CCDC71L: variants seen among roughly 807,000 people sequenced by gnomAD.
CCDC71L encodes coiled-coil domain containing 71 like, also known as coiled-coil domain-containing protein 71L.
Under a neutral mutation model 10.2 loss-of-function variants are expected in CCDC71L, and 6 were observed. The ratio of observed to expected loss-of-function variants is 0.59; its 90% CI spans 0.32 to 1.16. The LOEUF (loss-of-function observed/expected upper bound fraction) is 1.16, where lower values mean the gene tolerates loss of function less well. Among genes scored for constraint, CCDC71L ranks in the 50% most tolerant of loss-of-function variants. The pLI is 0.05. For synonymous variants in CCDC71L, 204 were observed against 175.5 expected, an observed-to-expected ratio of 1.16 and a Z score of -1.28; for missense variants, 366 against 383.4, an observed-to-expected ratio of 0.95 and a Z score of 0.38.
Position 106,660,781 on chromosome 7 carries a change from T to C in CCDC71L, c.116A>G (p.Lys39Arg). 1 of 1,548,844 alleles carries C rather than the reference T, an allele frequency of 6.5e-7. No homozygotes were observed. Among genetic ancestry groups the C allele is most frequent in the Non-Finnish European group, 8.7e-7 (1 of 1,146,180 alleles). Residue 39 changes from lysine (K) to arginine (R), a missense_variant, in exon 1 of 1, where the codon AAG becomes AGG. Transcript: ENST00000523505. The surrounding 1 kb of genome is among the most constrained non-coding windows in gnomAD (Gnocchi z 7.5). ...DGAGLEAREE[K>R]VVYSRSQLSL... ...CAGTTGCGACCGCGAGTACACCACC[T>C]TCTCCTCCCGCGCCTCCAACCCAGC...
chr7:106,655,638 T>C lies in CCDC71L; in HGVS notation c.*4551A>G, dbSNP rs1038181412. On this transcript the variant is annotated 3_prime_UTR_variant, in exon 1 of 1. Coordinates refer to ENST00000523505, the MANE Select transcript of CCDC71L (RefSeq NM_175884.6). ...AACAGCTTTAAATCTATTACTGTTA[T>C]AAATTCTCAGATAGTTTAAAACACA... Among the ~76,000 whole-genome samples the C allele has an allele frequency of 6.6e-6, 1 of 152,198 alleles. No individual in the cohort carries two copies. The highest frequency in any genetic ancestry group is 1.5e-5 in the Non-Finnish European group (1 of 68,024).
In CCDC71L at chr7:106,660,513, T is replaced by G; in HGVS notation, c.384A>C (p.Ala128=). ...CTCCGCGGCGCCTCCTCCTGGCCGC[T>G]GCGCGCGGAACCGGCCGGCGCGCCT... is the stretch of plus-strand genomic sequence containing the variant. The part of the protein sequence containing the change: ...RGQARRPVPR[A]AARRRRRGAR... The change falls in exon 1 of 1, where the codon GCA becomes GCC. Residue 128 remains alanine (A), a synonymous_variant. Coordinates refer to ENST00000523505, the MANE Select transcript of CCDC71L (RefSeq NM_175884.6). This position sits in a 1 kb window ranked among gnomAD's most constrained non-coding sequence, Gnocchi z 7.5. The G allele has an allele frequency of 4.4e-6, 6 of 1,362,402 alleles. No individual in the cohort carries two copies. The highest frequency in any genetic ancestry group is 5.7e-6 in the Non-Finnish European group (6 of 1,054,200). The allele number at this position is 1,362,402 out of a possible 1,614,324, so 84.4% of individuals were successfully genotyped here. A position where few individuals can be genotyped will look rare whatever the true frequency, so the allele number is the denominator to read the frequency against.
chr7:106,657,165 A>C lies in CCDC71L; in HGVS notation c.*3024T>G, dbSNP rs1271782170. On this transcript the variant is annotated 3_prime_UTR_variant, in exon 1 of 1. Transcript: ENST00000523505. The stretch of plus-strand genomic sequence containing the variant: ...TTAAGTTACACTTGTCAATATTCAA[A>C]CTTGAATAAAATAAACACACATCAC... 1 of 152,234 alleles carries C rather than the reference A, an allele frequency of 6.6e-6. No homozygotes were observed. Among genetic ancestry groups the C allele is most frequent in the Non-Finnish European group, 1.5e-5 (1 of 68,044 alleles). 9.4% of individuals were successfully genotyped at this position (152,234 alleles called of 1,614,324 possible). A position where few individuals can be genotyped will look rare whatever the true frequency, so the allele number is the denominator to read the frequency against.
At position 106,660,353 on chromosome 7, in the gene CCDC71L, T is replaced by G; in HGVS notation, c.544A>C (p.Arg182=). The G allele has an allele frequency of 6.9e-7, 1 of 1,448,638 alleles. No individual in the cohort carries two copies. Among genetic ancestry groups the G allele is most frequent in the Non-Finnish European group, 9.0e-7 (1 of 1,108,120 alleles). 89.7% of individuals were successfully genotyped at this position (1,448,638 alleles called of 1,614,324 possible). Residue 182 remains arginine, a synonymous_variant, in exon 1 of 1, where the codon AGG becomes CGG. Transcript: ENST00000523505. The surrounding 1 kb of genome is among the most constrained non-coding windows in gnomAD (Gnocchi z 7.5). ...FGGRTLEEIW[R]AATPTLTTFP... is the part of the protein sequence containing the mutation. Reference sequence around the variant, plus strand: ...GTGGTCAGCGTCGGGGTGGCCGCCCTCCAGATCTCCTCCAAGGTGCGGCCC... The same window carrying G: ...GTGGTCAGCGTCGGGGTGGCCGCCCGCCAGATCTCCTCCAAGGTGCGGCCC...
At position 106,658,487 on chromosome 7, in the gene CCDC71L, G is replaced by A. The variant is rs183644189; in HGVS notation, c.*1702C>T. The A allele has an allele frequency of 1.1e-4, 16 of 152,218 alleles. No individual in the cohort carries two copies. The highest frequency in any genetic ancestry group is 1.6e-4 in the Non-Finnish European group (11 of 67,998). The allele number at this position is 152,218 out of a possible 1,614,324, so 9.4% of individuals were successfully genotyped here. On this transcript the variant is annotated 3_prime_UTR_variant, in exon 1 of 1. Coordinates refer to ENST00000523505, the MANE Select transcript of CCDC71L (RefSeq NM_175884.6). ...GCTATGCCATTTGAATTCTAGGAAC[G>A]CAAGAGTCAAAATTGTAACTCTCAT...
chr7:106,661,010 C>T lies in CCDC71L; in HGVS notation c.-114G>A. 7.9e-7 allele frequency: 1 copy of T among 1,269,492 alleles called. No homozygotes were observed. Among genetic ancestry groups the T allele is most frequent in the African/African-American group, 1.6e-5 (1 of 63,948 alleles). 78.6% of individuals were successfully genotyped at this position (1,269,492 alleles called of 1,614,324 possible). A position where few individuals can be genotyped will look rare whatever the true frequency, so the allele number is the denominator to read the frequency against. On this transcript the variant is annotated 5_prime_UTR_variant, in exon 1 of 1. Transcript: ENST00000523505. ...TGCTGGCGTCTCTCGCTACTTTTCT[C>T]GCCTCCGCCGCCGCCCCTCCCCCTC...
chr7:106,660,142 C>A lies in CCDC71L; in HGVS notation c.*47G>T. 6.8e-7 allele frequency: 1 copy of A among 1,464,170 alleles called. No homozygotes were observed. Among genetic ancestry groups the A allele is most frequent in the Non-Finnish European group, 8.9e-7 (1 of 1,118,340 alleles). 90.7% of individuals were successfully genotyped at this position (1,464,170 alleles called of 1,614,324 possible). On this transcript the variant is annotated 3_prime_UTR_variant, in exon 1 of 1. Coordinates refer to ENST00000523505, the MANE Select transcript of CCDC71L (RefSeq NM_175884.6). The surrounding 1 kb of genome is among the most constrained non-coding windows in gnomAD (Gnocchi z 7.5). ...CTTGTTCATTCCTCCGGGCGGAAGGCCTGTCCCAAGGTCGGGGCCGGCAGG... is the reference window on the plus strand; with the variant it reads ...CTTGTTCATTCCTCCGGGCGGAAGGACTGTCCCAAGGTCGGGGCCGGCAGG...
chr7:106,658,368 T>C lies in CCDC71L; in HGVS notation c.*1821A>G, dbSNP rs937018651. On this transcript the variant is annotated 3_prime_UTR_variant, in exon 1 of 1. Transcript: ENST00000523505. Reference sequence around the variant, plus strand: ...ATCAAGTTATATATATGTGTGTATATATATATCATATTATTTCTTTTAACA... The same window carrying C: ...ATCAAGTTATATATATGTGTGTATACATATATCATATTATTTCTTTTAACA... 1 of 152,184 alleles carries C rather than the reference T, an allele frequency of 6.6e-6. No homozygotes were observed. The highest frequency in any genetic ancestry group is 1.5e-5 in the Non-Finnish European group (1 of 68,028). The allele number at this position is 152,184 out of a possible 1,614,324, so 9.4% of individuals were successfully genotyped here.
chr7:106,656,153 G>C lies in CCDC71L; in HGVS notation c.*4036C>G, dbSNP rs368444350. Among the ~76,000 whole-genome samples, 1 of 152,116 alleles carries C rather than the reference G, an allele frequency of 6.6e-6. No individual in the cohort carries two copies. Among genetic ancestry groups the C allele is most frequent in the Non-Finnish European group, 1.5e-5 (1 of 68,000 alleles). ...AGTCTCAACACTTGCAAGTCACAAA[G>C]GTATGCATAATAATTCCACCCCAGG... On this transcript the variant is annotated 3_prime_UTR_variant, in exon 1 of 1. Transcript: ENST00000523505.
In CCDC71L at chr7:106,654,796, A is replaced by G. The variant is rs973942276; in HGVS notation, c.*5393T>C. On this transcript the variant is annotated 3_prime_UTR_variant, in exon 1 of 1. Coordinates refer to ENST00000523505, the MANE Select transcript of CCDC71L (RefSeq NM_175884.6). ...AACTGTACGTTTATATGTACTTTTT[A>G]TACATTTGTTTTTGCTTCAATAATT... 6.6e-6 allele frequency among the ~76,000 whole-genome samples: 1 copy of G among 152,082 alleles called. No homozygotes were observed. The highest frequency in any genetic ancestry group is 6.6e-5 in the Admixed American group (1 of 15,254).
rs1380782452 is a variant in CCDC71L, at chr7:106,660,644, T to C, written c.253A>G (p.Lys85Glu). The C allele has an allele frequency of 1.3e-6, 2 of 1,589,740 alleles. No homozygotes were observed. ...AELWSFLCSL[K>E]HQFSPHILRS... ...AGGATGTGCGGGGAGAACTGGTGCT[T>C]GAGGCTGCAGAGGAAGCTCCAGAGC... is the stretch of plus-strand genomic sequence containing the variant. Residue 85 changes from lysine (K) to glutamate (E), a missense_variant, in exon 1 of 1, where the codon AAG becomes GAG. Transcript: ENST00000523505. This position sits in a 1 kb window ranked among gnomAD's most constrained non-coding sequence, Gnocchi z 7.5.
In CCDC71L at chr7:106,660,939, C is replaced by G; in HGVS notation, c.-43G>C. The stretch of plus-strand genomic sequence containing the variant: ...CACTCACGCTCGCCGGGTCCCACTA[C>G]TGCCGCCGCCGTCCCAGTCCGCGTT... On this transcript the variant is annotated 5_prime_UTR_variant, in exon 1 of 1. Transcript: ENST00000523505. The surrounding 1 kb of genome is among the most constrained non-coding windows in gnomAD (Gnocchi z 7.5). The G allele has an allele frequency of 7.6e-7, 1 of 1,314,908 alleles. No homozygotes were observed. Among genetic ancestry groups the G allele is most frequent in the Non-Finnish European group, 9.7e-7 (1 of 1,033,976 alleles). 81.5% of individuals were successfully genotyped at this position (1,314,908 alleles called of 1,614,324 possible).
chr7:106,659,006 A>T lies in CCDC71L; in HGVS notation c.*1183T>A, dbSNP rs1792539465. 6.6e-6 allele frequency: 1 copy of T among 152,216 alleles called. No individual in the cohort carries two copies. Among genetic ancestry groups the T allele is most frequent in the African/African-American group, 2.4e-5 (1 of 41,456 alleles). The allele number at this position is 152,216 out of a possible 1,614,324, so 9.4% of individuals were successfully genotyped here. Reference sequence around the variant, plus strand: ...TTGTTATCCAACAACAAAAACAAAAAGGAAATAGATTTCGCCCAAAGTAAC... The same window carrying T: ...TTGTTATCCAACAACAAAAACAAAATGGAAATAGATTTCGCCCAAAGTAAC... On this transcript the variant is annotated 3_prime_UTR_variant, in exon 1 of 1. Coordinates refer to ENST00000523505, the MANE Select transcript of CCDC71L (RefSeq NM_175884.6).
rs2116098366 is a variant in CCDC71L at position 106,658,801 on chromosome 7, A to T, written c.*1388T>A. The T allele has an allele frequency of 6.5e-6, 1 of 152,742 alleles. No homozygotes were observed. Among genetic ancestry groups the T allele is most frequent in the South Asian group, 2.1e-4 (1 of 4,824 alleles). The allele number at this position is 152,742 out of a possible 1,614,324, so 9.5% of individuals were successfully genotyped here. ...CACTATAAAAGCGTAAAGAAGGGTC[A>T]GTATTCTGTGTGTCTCGCCTGTTTG... is the stretch of plus-strand genomic sequence containing the variant. On this transcript the variant is annotated 3_prime_UTR_variant, in exon 1 of 1. Coordinates refer to ENST00000523505, the MANE Select transcript of CCDC71L (RefSeq NM_175884.6).
chr7:106,661,040 G>A lies in CCDC71L; in HGVS notation c.-144C>T, dbSNP rs1203068264. Reference sequence around the variant, plus strand: ...CCGCCGCCGCCCCTCCCCCTCCGAGGGCGGAGGACGCGGGCGAATATCCTG... The same window carrying A: ...CCGCCGCCGCCCCTCCCCCTCCGAGAGCGGAGGACGCGGGCGAATATCCTG... On this transcript the variant is annotated 5_prime_UTR_variant, in exon 1 of 1. Coordinates refer to ENST00000523505, the MANE Select transcript of CCDC71L (RefSeq NM_175884.6). 1.7e-6 allele frequency: 2 copies of A among 1,194,234 alleles called. No homozygotes were observed. Among genetic ancestry groups the A allele is most frequent in the Non-Finnish European group, 2.1e-6 (2 of 931,332 alleles). 74.0% of individuals were successfully genotyped at this position (1,194,234 alleles called of 1,614,324 possible). A position where few individuals can be genotyped will look rare whatever the true frequency, so the allele number is the denominator to read the frequency against.
rs1169414295 is a variant in CCDC71L at position 106,657,330 on chromosome 7, G to GTGCC, written c.*2855_*2858dup. ...CAAGAATCTCAAAAAGTTATGTGAG[G>GTGCC]TGCCGGTCACCACATTTAGGCACTC... is the stretch of plus-strand genomic sequence containing the variant. On this transcript the variant is annotated 3_prime_UTR_variant, in exon 1 of 1. Coordinates refer to ENST00000523505, the MANE Select transcript of CCDC71L (RefSeq NM_175884.6). The GTGCC allele has an allele frequency of 9.2e-5, 14 of 152,108 alleles. No individual in the cohort carries two copies. Among genetic ancestry groups the GTGCC allele is most frequent in the African/African-American group, 2.7e-4 (11 of 41,418 alleles). The allele number at this position is 152,108 out of a possible 1,614,324, so 9.4% of individuals were successfully genotyped here.
rs1239913765 is a variant in CCDC71L, at chr7:106,661,119, G to A, written c.-223C>T. 4.3e-5 allele frequency: 22 copies of A among 507,282 alleles called. No individual in the cohort carries two copies. Among genetic ancestry groups the A allele is most frequent in the Non-Finnish European group, 6.6e-5 (21 of 316,544 alleles). 31.4% of individuals were successfully genotyped at this position (507,282 alleles called of 1,614,324 possible). ...CCACCCCTGGGCTTTGTCATTGGAC[G>A]GCGCCTCGCCCCCCTGGTTTCTCTT... On this transcript the variant is annotated 5_prime_UTR_variant, in exon 1 of 1. Coordinates refer to ENST00000523505, the MANE Select transcript of CCDC71L (RefSeq NM_175884.6).
chr7:106,659,524 G>T lies in CCDC71L; in HGVS notation c.*665C>A, dbSNP rs965062793. 2 of 152,676 alleles carry T rather than the reference G, an allele frequency of 1.3e-5. No individual in the cohort carries two copies. The highest frequency in any genetic ancestry group is 2.9e-5 in the Non-Finnish European group (2 of 68,012). 9.5% of individuals were successfully genotyped at this position (152,676 alleles called of 1,614,324 possible). On this transcript the variant is annotated 3_prime_UTR_variant, in exon 1 of 1. Coordinates refer to ENST00000523505, the MANE Select transcript of CCDC71L (RefSeq NM_175884.6). Reference sequence around the variant, plus strand: ...ATACCTTGAAAATGTTTAAACAGTTGTATTTTGCATGTCTTTGTTTGTAAT... The same window carrying T: ...ATACCTTGAAAATGTTTAAACAGTTTTATTTTGCATGTCTTTGTTTGTAAT...
rs1792472086 is a variant in CCDC71L, at chr7:106,655,260, T to C, written c.*4929A>G. Among the ~76,000 whole-genome samples, 1 of 152,186 alleles carries C rather than the reference T, an allele frequency of 6.6e-6. No homozygotes were observed. The highest frequency in any genetic ancestry group is 2.4e-5 in the African/African-American group (1 of 41,460). ...TTCATCTAATAATTTTCCAGGAAAT[T>C]ATTTTGTGTCAACTTCAGATAACTG... is the stretch of plus-strand genomic sequence containing the variant. On this transcript the variant is annotated 3_prime_UTR_variant, in exon 1 of 1. Transcript: ENST00000523505.
Sources: allele counts gnomAD v4.1 joint callset (sites outside exome capture counted in the v4.1 genomes callset), GRCh38; gene constraint gnomAD v4.1.1; non-coding constraint Gnocchi (gnomAD v3.1); transcripts MANE v1.5; gene names NCBI Gene and HGNC (gene_info 2026-07-23, HGNC 2026-07-21).